Variants in PXK observed in about 807,000 individuals in gnomAD.
PXK encodes PX domain-containing protein kinase-like protein.
In PXK, 35 loss-of-function variants were observed where a neutral mutation model predicts 84.7. The ratio of observed to expected loss-of-function variants is 0.41; its 90% CI spans 0.32 to 0.55. The LOEUF is 0.55. Among genes scored for constraint, PXK ranks in the 20% least tolerant of loss-of-function variants. The probability of loss-of-function intolerance (pLI) is 0.21; values close to 1 mark genes in which losing one functional copy is unlikely to be tolerated. For synonymous variants in PXK, 253 were observed against 260.8 expected (o/e 0.97, Z 0.29); for missense variants, 634 against 699.7 (o/e 0.91, Z 1.06).
In PXK at chr3:58,390,647, T is replaced by G; in HGVS notation, c.454T>G (p.Leu152Val). The G allele has an allele frequency of 6.2e-7, 1 of 1,612,166 alleles. No individual in the cohort carries two copies. The change falls in exon 5 of 18, where the codon TTG (leucine) becomes GTG (valine). Residue 152 changes from leucine to valine, a missense_variant. Physicochemically the swap from Leu to Val is conservative, Grantham distance 32 (BLOSUM62 1). Around this residue, in one of 3 missense-constraint regions of PXK, gnomAD observed 353 missense variants for 385.2 expected, o/e 0.92. Coordinates refer to ENST00000356151, the MANE Select transcript of PXK (RefSeq NM_017771.5). The surrounding 1 kb of genome is among the most constrained non-coding windows in gnomAD (Gnocchi z 4.2). ...ACCAAAGTGGGAGGTGGTGGAACCTTTGAAAGACATAGGTGAGACATTGGC... is the reference window on the plus strand; with the variant it reads ...ACCAAAGTGGGAGGTGGTGGAACCTGTGAAAGACATAGGTGAGACATTGGC... ...SEPKWEVVEP[L>V]KDIGWRIRKK...
intron 2 of PXK, among the ~76,000 whole-genome samples, chr3:58,368,485 G>C (rs926794244): frequency 6.6e-6 from 1 of 152,064 alleles, no homozygotes; most frequent in African/African-American, 2.4e-5. Flanking sequence ...ACCATGCCCA[G>C]CTAATCTTTG....
At chr3:58,396,910 T>A in intron 9 of PXK, 129 bp from the exon 10 acceptor site, 1 of 1,004,984 alleles carries the variant, frequency 1.0e-6, no homozygotes, top group Non-Finnish European at 1.4e-6. Flanking sequence ...GGTGGCATTT[T>A]TCTTCAGGAA....
chr3:58,369,371 T>G, intron 2 of PXK, 60 bp from the exon 3 acceptor site: 9 of 1,341,792 alleles, frequency 6.7e-6, no homozygotes, highest in Non-Finnish European at 9.5e-6. Flanking sequence ...ACATATTAAA[T>G]AAAGAAATGA....
Position 58,382,756 on chromosome 3 carries a change from G to C in PXK, c.388+56G>C, listed in dbSNP as rs1576355119. 6.2e-6 allele frequency: 8 copies of C among 1,286,204 alleles called. No individual in the cohort carries two copies. The East Asian group carries it at 2.2e-4, about 35-fold the overall frequency. 79.7% of individuals were successfully genotyped at this position (1,286,204 alleles called of 1,614,324 possible). A position where few individuals can be genotyped will look rare whatever the true frequency, so the allele number is the denominator to read the frequency against. On this transcript the variant is annotated intron_variant, in intron 4 of 17. Transcript: ENST00000356151. The stretch of plus-strand genomic sequence containing the variant: ...CATGGCTAAAGAGGCACTGTCCCTT[G>C]CTGGAGATAACGTATGTGGGAGAAA...
In PXK at chr3:58,391,753, A is replaced by C; in HGVS notation, c.541-20A>C. 6.2e-7 allele frequency: 1 copy of C among 1,601,212 alleles called. No homozygotes were observed. Among genetic ancestry groups the C allele is most frequent in the South Asian group, 1.1e-5 (1 of 90,822 alleles). On this transcript the variant is annotated intron_variant, in intron 6 of 17. Coordinates refer to ENST00000356151, the MANE Select transcript of PXK (RefSeq NM_017771.5). ...TTGGTGACCAAAACAGTACCCTGATATTCCCTTCCATGTTTTCAGGCTGAC... is the reference window on the plus strand; with the variant it reads ...TTGGTGACCAAAACAGTACCCTGATCTTCCCTTCCATGTTTTCAGGCTGAC...
intron 3 of PXK, among the ~76,000 whole-genome samples, chr3:58,380,185 T>A (rs6804567): frequency 0.24 from 35,926 of 151,922 alleles, 5,973 homozygotes; most frequent in East Asian, 0.81. Flanking sequence ...CCATGAGGGA[T>A]GAAAACAGAC....
chr3:58,375,037 A>C (rs2098426228), intron 3 of PXK, among the ~76,000 whole-genome samples: 1 of 151,348 alleles, frequency 6.6e-6, no homozygotes, highest in Admixed American at 6.6e-5. Flanking sequence ...AGAGCAATAC[A>C]TTTAAAAAAG....
At position 58,365,940 on chromosome 3, in the gene PXK, T is replaced by TG; in HGVS notation, c.153+16_153+17insG. On this transcript the variant is annotated intron_variant, in intron 2 of 17. Transcript: ENST00000356151. ...CAGCTGGCAGGTAAGCATCTTTTTT[T>TG]TTTTTTTTGTCAATTAGAAAAATAT... 1 of 1,571,318 alleles carries TG rather than the reference T, an allele frequency of 6.4e-7. No homozygotes were observed. Among genetic ancestry groups the TG allele is most frequent in the Non-Finnish European group, 8.6e-7 (1 of 1,161,932 alleles).
chr3:58,374,131 A>G (rs2098416392), intron 3 of PXK, among the ~76,000 whole-genome samples: 1 of 149,940 alleles, frequency 6.7e-6, no homozygotes. Flanking sequence ...TGGGCTCTAA[A>G]TCCCAATTTG....
chr3:58,340,563 C>T (rs1236926052), intron 1 of PXK, among the ~76,000 whole-genome samples: 2 of 151,902 alleles, frequency 1.3e-5, no homozygotes, highest in Non-Finnish European at 2.9e-5. Context: ...CCCATTTCTA[C>T]TAAAAATACA....
intron 1 of PXK, among the ~76,000 whole-genome samples, chr3:58,339,153 G>A (rs1045031448): frequency 6.6e-6 from 1 of 152,040 alleles, no homozygotes; most frequent in Admixed American, 6.6e-5. Context: ...TTCATTTAGA[G>A]ATTGTAAGTT....
chr3:58,402,795 T>A, intron 12 of PXK, among the ~76,000 whole-genome samples: 1 of 149,514 alleles, frequency 6.7e-6, no homozygotes, highest in African/African-American at 2.5e-5. Flanking sequence ...AATTTTAAAA[T>A]CATTTTTTAT....
rs755856480 is a variant in PXK, at chr3:58,383,328, C to A, written c.388+628C>A. ...AATAATAATAATTAATCCACAATAA[C>A]GCATACAGTAATTTTTATATTACTT... is the stretch of plus-strand genomic sequence containing the variant. On this transcript the variant is annotated intron_variant, in intron 4 of 17. Coordinates refer to ENST00000356151, the MANE Select transcript of PXK (RefSeq NM_017771.5). The surrounding 1 kb of genome is among the most constrained non-coding windows in gnomAD (Gnocchi z 4.0). 5.7e-4 allele frequency among the ~76,000 whole-genome samples: 87 copies of A among 152,236 alleles called. No individual in the cohort carries two copies. Among genetic ancestry groups the A allele is most frequent in the Non-Finnish European group, 9.7e-4 (66 of 68,018 alleles).
rs2060671646 is a variant in PXK, at chr3:58,414,453, TG to T, written c.1528+1491del. On this transcript the variant is annotated intron_variant, in intron 17 of 17. Coordinates refer to ENST00000356151, the MANE Select transcript of PXK (RefSeq NM_017771.5). The surrounding 1 kb of genome is among the most constrained non-coding windows in gnomAD (Gnocchi z 4.5). ...TGGGGGGAATTCTCTAATTTATCTGTGTTTAAATGGGTGCTGTCTCATACAG... is the reference window on the plus strand; with the variant it reads ...TGGGGGGAATTCTCTAATTTATCTGTTTTAAATGGGTGCTGTCTCATACAG... 6.6e-6 allele frequency: 1 copy of T among 152,204 alleles called. No individual in the cohort carries two copies. Among genetic ancestry groups the T allele is most frequent in the Admixed American group, 6.5e-5 (1 of 15,292 alleles). 9.4% of individuals were successfully genotyped at this position (152,204 alleles called of 1,614,324 possible). A position where few individuals can be genotyped will look rare whatever the true frequency, so the allele number is the denominator to read the frequency against.
intron 6 of PXK, 94 bp downstream of exon 6, chr3:58,391,314 C>A: frequency 1.8e-6 from 2 of 1,089,070 alleles, no homozygotes; most frequent in Admixed American, 4.2e-5. Flanking sequence ...GTACTGTGCT[C>A]TTAAGTGATG....
intron 17 of PXK, among the ~76,000 whole-genome samples, chr3:58,420,358 A>G (rs1471404686): frequency 1.3e-5 from 2 of 152,176 alleles, no homozygotes; most frequent in Non-Finnish European, 2.9e-5. Context: ...AAGGCTCACA[A>G]TCGTGTTTAC....
chr3:58,410,027 GC>G (rs1282847227), intron 15 of PXK, 62 bp from the exon 16 acceptor site: 4 of 1,047,762 alleles, frequency 3.8e-6, no homozygotes, highest in Non-Finnish European at 4.4e-6. Flanking sequence ...CTAACTCCCA[GC>G]TTCACTGTGT....
At chr3:58,351,809 G>C (rs1323444285) in intron 1 of PXK, among the ~76,000 whole-genome samples, 1 of 139,622 alleles carries the variant, frequency 7.2e-6, no homozygotes, top group Non-Finnish European at 1.6e-5. Flanking sequence ...GAGAATGGCT[G>C]CTTTTTGTTT....
At position 58,353,128 on chromosome 3, in the gene PXK, C is replaced by T. The variant is rs113601308; in HGVS notation, c.103-12746C>T. Among the ~76,000 whole-genome samples, 1,038 of 152,138 alleles carry T rather than the reference C, an allele frequency of 6.8e-3. 10 individuals carry two copies. The highest frequency in any genetic ancestry group is 0.024 in the African/African-American group (994 of 41,504). ...TCTCCTGCCTCAGCCTCCCGAATAGCTGGGACTACAGGCGCCCGCCACCAC... is the reference window on the plus strand; with the variant it reads ...TCTCCTGCCTCAGCCTCCCGAATAGTTGGGACTACAGGCGCCCGCCACCAC... On this transcript the variant is annotated intron_variant, in intron 1 of 17. Transcript: ENST00000356151.
Sources: gnomAD v4.1 joint callset for allele counts (sites outside exome capture counted in the v4.1 genomes callset) on GRCh38, gnomAD v4.1.1 for gene constraint, gnomAD v4.1.1 regional missense constraint, Gnocchi (gnomAD v3.1) non-coding constraint, MANE v1.5 for transcripts, NCBI Gene and HGNC (gene_info 2026-07-23, HGNC 2026-07-21) for gene names.